The following ANXA6 variants were observed in gnomAD, a reference collection of about 807,000 sequenced individuals.
ANXA6 encodes the protein annexin A6.
ANXA6 carries 71 observed loss-of-function variants against 95.4 expected under a neutral mutation model. The observed-to-expected ratio is 0.74, with a 90% confidence interval of 0.61 to 0.91. The LOEUF is 0.91. ANXA6 is among the 40% of genes least tolerant of loss of function. The probability of loss-of-function intolerance (pLI) is 0.00; values close to 1 mark genes in which losing one functional copy is unlikely to be tolerated. For synonymous variants in ANXA6, 289 were observed against 315.9 expected (o/e 0.91, Z 0.90); for missense variants, 830 against 876.4 (o/e 0.95, Z 0.67).
intron 18 of ANXA6, among the ~76,000 whole-genome samples, chr5:151,118,815 G>A (rs896087260): frequency 1.3e-5 from 2 of 152,012 alleles, no homozygotes; most frequent in South Asian, 2.1e-4. Flanking sequence ...CAATCCGCCT[G>A]CCTGAGACTC....
intron 12 of ANXA6, among the ~76,000 whole-genome samples, chr5:151,128,662 T>A (rs1765399675): frequency 6.6e-6 from 1 of 152,060 alleles, no homozygotes; most frequent in South Asian, 2.1e-4. Flanking sequence ...TGCAAAAAAA[T>A]CAAACAAATA....
intron 23 of ANXA6, among the ~76,000 whole-genome samples, chr5:151,108,003 TATATA>T (rs1343880103): frequency 6.6e-6 from 1 of 151,952 alleles, no homozygotes; most frequent in African/African-American, 2.4e-5. Context: ...TGTATGTGTA[TATATA>T]ATGTGTTCTG....
Position 151,138,728 on chromosome 5 carries a change from T to C in ANXA6, c.268A>G (p.Met90Val). 1.9e-6 allele frequency: 3 copies of C among 1,613,962 alleles called. No individual in the cohort carries two copies. The highest frequency in any genetic ancestry group is 2.5e-6 in the Non-Finnish European group (3 of 1,179,868). ...GCATCACAATAGGCAGGTGGCCTCA[T>C]CAGGCCCACAATCAACCGTTCAAAC... ...GKFERLIVGL[M>V]RPPAYCDAKE... The change falls in exon 5 of 26, where the codon ATG becomes GTG. Residue 90 changes from methionine to valine, a missense_variant. By Grantham distance (21) the Met-to-Val change is conservative. Coordinates refer to ENST00000354546, the MANE Select transcript of ANXA6 (RefSeq NM_001155.5).
At chr5:151,150,723 G>A (rs1766086736) in intron 1 of ANXA6, among the ~76,000 whole-genome samples, 1 of 152,218 alleles carries the variant, frequency 6.6e-6, no homozygotes, top group Non-Finnish European at 1.5e-5. Context: ...CCTTTCCAGT[G>A]TGTGGTGGGG....
At chr5:151,133,000 T>A in intron 9 of ANXA6, 94 bp downstream of exon 9, 2 of 936,394 alleles carry the variant, frequency 2.1e-6, no homozygotes, top group Non-Finnish European at 3.3e-6. Flanking sequence ...GTAGGTATCA[T>A]GTTCCATTAG....
intron 8 of ANXA6, 144 bp from the exon 9 acceptor site, chr5:151,133,331 G>A (rs1010431670): frequency 6.5e-6 from 4 of 610,868 alleles, no homozygotes; most frequent in Non-Finnish European, 1.2e-5. Context: ...AAACAGTCAT[G>A]CATCATTTAA....
rs778660269 is a variant in ANXA6 at position 151,138,631 on chromosome 5, A to AT, written c.318+46dup. On this transcript the variant is annotated intron_variant, in intron 5 of 25. Coordinates refer to ENST00000354546, the MANE Select transcript of ANXA6 (RefSeq NM_001155.5). ...TTTTGGAAGAGCCCAGAATCTTCCC[A>AT]TTAACCACATCCCCACCCCAACACC... The AT allele has an allele frequency of 1.4e-5, 20 of 1,417,308 alleles. No individual in the cohort carries two copies. In the African/African-American group the frequency reaches 2.4e-4, roughly 17 times the overall value. The allele number at this position is 1,417,308 out of a possible 1,614,324, so 87.8% of individuals were successfully genotyped here.
chr5:151,142,927 T>C (rs1765876118), intron 2 of ANXA6, among the ~76,000 whole-genome samples: 1 of 152,196 alleles, frequency 6.6e-6, no homozygotes, highest in South Asian at 2.1e-4. Context: ...GTTGCCATGA[T>C]TCATGGCTGT....
At chr5:151,119,834 T>A (rs1765113508) in intron 17 of ANXA6, among the ~76,000 whole-genome samples, 1 of 152,184 alleles carries the variant, frequency 6.6e-6, no homozygotes. Flanking sequence ...AGTGAACATG[T>A]ATTATTTTGT....
At chr5:151,145,716 C>T (rs1765958977) in intron 2 of ANXA6, among the ~76,000 whole-genome samples, 1 of 152,192 alleles carries the variant, frequency 6.6e-6, no homozygotes, top group African/African-American at 2.4e-5. Context: ...GAAGGAACAA[C>T]TGCAGCTCAA....
At chr5:151,116,116 C>G (rs895638838) in intron 20 of ANXA6, among the ~76,000 whole-genome samples, 1 of 152,204 alleles carries the variant, frequency 6.6e-6, no homozygotes, top group Non-Finnish European at 1.5e-5. Context: ...CTGTCAGGTT[C>G]CAGCTAAAGA....
chr5:151,126,543 A>AACACACACAC (rs3079845), intron 13 of ANXA6, 63 bp from the exon 14 acceptor site: 197 of 829,748 alleles, frequency 2.4e-4, no homozygotes, highest in Middle Eastern at 2.2e-3. Flanking sequence ...CACTCACACC[A>AACACACACAC]ACACACACAC....
chr5:151,140,118 A>AT lies in ANXA6; in HGVS notation c.109+34dup, dbSNP rs1447171649. On this transcript the variant is annotated intron_variant, in intron 3 of 25. Coordinates refer to ENST00000354546, the MANE Select transcript of ANXA6 (RefSeq NM_001155.5). ...TCTGGGCTGTGTCTACTTTTGGGGGATACCCCTCAAGCTCCCATGAAGCCT... is the reference window on the plus strand; with the variant it reads ...TCTGGGCTGTGTCTACTTTTGGGGGATTACCCCTCAAGCTCCCATGAAGCCT... 3 of 1,600,302 alleles carry AT rather than the reference A, an allele frequency of 1.9e-6. No individual in the cohort carries two copies. The African/African-American group carries it at 4.0e-5, about 21-fold the overall frequency.
At position 151,138,755 on chromosome 5, in the gene ANXA6, T is replaced by C. The variant is rs1212581325; in HGVS notation, c.241A>G (p.Lys81Glu). 2 of 1,613,960 alleles carry C rather than the reference T, an allele frequency of 1.2e-6. No homozygotes were observed. The highest frequency in any genetic ancestry group is 4.5e-5 in the East Asian group (2 of 44,888). ...IADLKYELTG[K>E]FERLIVGLMR... ...AGGCCCACAATCAACCGTTCAAACT[T>C]GCCCGTCAATTCATACTTTAAATCA... Residue 81 changes from lysine to glutamate, a missense_variant, in exon 5 of 26, where the codon AAG becomes GAG. Transcript: ENST00000354546.
chr5:151,101,522 G>A lies in ANXA6; in HGVS notation c.1963-15C>T, dbSNP rs1764550671. 1 of 1,555,964 alleles carries A rather than the reference G, an allele frequency of 6.4e-7. No individual in the cohort carries two copies. ...GAGGTGTCACCCTGGCAGAGGCAGA[G>A]AGCAGAGTGAGTGAAAACAGTCCTT... On this transcript the variant is annotated splice_polypyrimidine_tract_variant and intron_variant, in intron 25 of 25. Coordinates refer to ENST00000354546, the MANE Select transcript of ANXA6 (RefSeq NM_001155.5).
chr5:151,137,423 C>T (rs1765698955), intron 5 of ANXA6, 102 bp from the exon 6 acceptor site: 3 of 811,768 alleles, frequency 3.7e-6, no homozygotes, highest in South Asian at 3.4e-5. Context: ...CCCCAGGACT[C>T]AGGAGGTTCC....
In ANXA6 at chr5:151,129,388, C is replaced by T. The variant is rs866845483; in HGVS notation, c.918+19G>A. ...AAAAGCTCTTTGCTCCCTTCTCTGC[C>T]CCCATGAGCTCTGCTGACCTTGATC... On this transcript the variant is annotated intron_variant, in intron 12 of 25. Transcript: ENST00000354546. The T allele has an allele frequency of 8.7e-6, 14 of 1,612,764 alleles. 1 individual carries two copies. The Middle Eastern group carries it at 1.1e-3, about 129-fold the overall frequency.
intron 1 of ANXA6, among the ~76,000 whole-genome samples, chr5:151,151,876 A>G (rs1766116613): frequency 6.6e-6 from 1 of 152,204 alleles, no homozygotes; most frequent in African/African-American, 2.4e-5. Context: ...TCAGATCTAG[A>G]TGAGATATAC....
chr5:151,110,757 G>C, intron 20 of ANXA6, 113 bp from the exon 21 acceptor site: 1 of 1,183,178 alleles, frequency 8.5e-7, no homozygotes, highest in Non-Finnish European at 1.2e-6. Flanking sequence ...GGCTGGGAGT[G>C]GGAGAGGTCC....
Sources: gnomAD v4.1 joint callset for allele counts (sites outside exome capture counted in the v4.1 genomes callset) on GRCh38, gnomAD v4.1.1 for gene constraint, MANE v1.5 for transcripts, NCBI Gene and HGNC (gene_info 2026-07-23, HGNC 2026-07-21) for gene names.